Variants in IGSF23 observed in about 807,000 individuals in gnomAD.
IGSF23 encodes the protein immunoglobulin superfamily, member 23.
In IGSF23, 14 loss-of-function variants were observed where a neutral mutation model predicts 17.8. The observed-to-expected ratio is 0.79, with a 90% CI of 0.52 to 1.23. The LOEUF is 1.23. Among genes scored for constraint, IGSF23 ranks in the 50% most tolerant of loss-of-function variants. The pLI is 0.00. For synonymous variants in IGSF23, 85 were observed against 92.5 expected (o/e 0.92, Z 0.46); for missense variants, 214 against 241.7 (o/e 0.89, Z 0.76).
At chr19:44,631,656 C>T (rs1253341815) in intron 3 of IGSF23, among the ~76,000 whole-genome samples, 1 of 152,218 alleles carries the variant, frequency 6.6e-6, no homozygotes, top group Non-Finnish European at 1.5e-5. Flanking sequence ...TATTTATTAA[C>T]ATTAGCATTG....
chr19:44,625,901 A>G (rs1972636075), intron 2 of IGSF23, among the ~76,000 whole-genome samples: 1 of 152,180 alleles, frequency 6.6e-6, no homozygotes, highest in African/African-American at 2.4e-5. Flanking sequence ...TCCCCTGCAC[A>G]CATTCTCTTG....
chr19:44,620,339 TTTTGTGTGTG>T (rs1972486924), intron 1 of IGSF23, among the ~76,000 whole-genome samples: 1 of 112,670 alleles, frequency 8.9e-6, no homozygotes, highest in East Asian at 2.9e-4. Flanking sequence ...TGATGACTAA[TTTTGTGTGTG>T]TGTGTGTGTG....
At chr19:44,615,243 C>T (rs796854748) in intron 1 of IGSF23, among the ~76,000 whole-genome samples, 9 of 150,390 alleles carry the variant, frequency 6.0e-5, no homozygotes, top group African/African-American at 1.7e-4. Flanking sequence ...GAGCCAAGAT[C>T]GTGCCACTGC....
At chr19:44,616,762 A>G (rs1197454517) in intron 1 of IGSF23, among the ~76,000 whole-genome samples, 1 of 151,210 alleles carries the variant, frequency 6.6e-6, no homozygotes, top group Non-Finnish European at 1.5e-5. Flanking sequence ...AAAAAAAAAC[A>G]GTAAAAGTTT....
intron 2 of IGSF23, among the ~76,000 whole-genome samples, chr19:44,625,880 C>T (rs1972635214): frequency 6.6e-6 from 1 of 152,152 alleles, no homozygotes; most frequent in South Asian, 2.1e-4. Context: ...GATGGTTTTA[C>T]AAAAGGCAGT....
In IGSF23 at chr19:44,626,193, C is replaced by T. The variant is rs143515549; in HGVS notation, c.392-1227C>T. Among the ~76,000 whole-genome samples the T allele has an allele frequency of 1.8e-3, 267 of 152,190 alleles. 3 individuals carry two copies. Among genetic ancestry groups the T allele is most frequent in the African/African-American group, 6.0e-3 (249 of 41,524 alleles). On this transcript the variant is annotated intron_variant, in intron 2 of 4. Transcript: ENST00000402988. ...AGAGCTGGGACATGGAAATGGAATG[C>T]GTGATGGGAATCTCAGCTTGGCTGG...
At chr19:44,627,649 G>A in intron 3 of IGSF23, 76 bp downstream of exon 3, 1 of 1,449,592 alleles carries the variant, frequency 6.9e-7, no homozygotes, top group Non-Finnish European at 9.3e-7. Context: ...GGCTCAACAA[G>A]GAAACAGAGA....
chr19:44,626,142 A>G (rs1456697516), intron 2 of IGSF23, among the ~76,000 whole-genome samples: 2 of 152,170 alleles, frequency 1.3e-5, no homozygotes, highest in Non-Finnish European at 2.9e-5. Context: ...TATTTGGGGT[A>G]GGAAAGAATG....
intron 2 of IGSF23, among the ~76,000 whole-genome samples, chr19:44,624,193 T>C (rs1258036680): frequency 2.6e-5 from 4 of 151,978 alleles, no homozygotes; most frequent in Non-Finnish European, 4.4e-5. Context: ...CTTCTTTTCT[T>C]TCTTCTTCTT....
chr19:44,619,023 G>A (rs564029457), intron 1 of IGSF23, among the ~76,000 whole-genome samples: 1 of 151,878 alleles, frequency 6.6e-6, no homozygotes, highest in Middle Eastern at 3.2e-3. Context: ...TTGGCTCATG[G>A]TTCCACAGGT....
chr19:44,621,694 T>C (rs554892360), intron 1 of IGSF23, among the ~76,000 whole-genome samples: 1 of 152,302 alleles, frequency 6.6e-6, no homozygotes, highest in African/African-American at 2.4e-5. Flanking sequence ...ATAAATCCAG[T>C]GGCTTTCATG....
intron 2 of IGSF23, among the ~76,000 whole-genome samples, chr19:44,625,647 C>T (rs1354716492): frequency 4.6e-5 from 7 of 152,120 alleles, no homozygotes; most frequent in African/African-American, 1.7e-4. Context: ...GCAGCAGGTG[C>T]CTTGAATAGC....
chr19:44,616,878 G>C (rs1262385042), intron 1 of IGSF23, among the ~76,000 whole-genome samples: 1 of 151,438 alleles, frequency 6.6e-6, no homozygotes, highest in Admixed American at 6.6e-5. Context: ...TATATGTAGA[G>C]AGAGAGAGGG....
chr19:44,626,914 C>T (rs1171791968), intron 2 of IGSF23, among the ~76,000 whole-genome samples: 1 of 131,930 alleles, frequency 7.6e-6, no homozygotes, highest in Admixed American at 8.2e-5. Context: ...GAGGGAGACT[C>T]TGTCTCAAAA....
chr19:44,626,509 T>A (rs189883475), intron 2 of IGSF23, among the ~76,000 whole-genome samples: 1 of 151,748 alleles, frequency 6.6e-6, no homozygotes, highest in East Asian at 1.9e-4. Flanking sequence ...ATCACCAGAG[T>A]GGGCAGGGCT....
At chr19:44,630,925 T>A (rs1972750912) in intron 3 of IGSF23, among the ~76,000 whole-genome samples, 1 of 152,152 alleles carries the variant, frequency 6.6e-6, no homozygotes, top group Non-Finnish European at 1.5e-5. Context: ...TTGTGGAATT[T>A]GGGGGAGCCC....
chr19:44,635,374 C>CTT (rs757785573), intron 3 of IGSF23, 27 bp from the exon 4 acceptor site: 8 of 843,716 alleles, frequency 9.5e-6, no homozygotes, highest in African/African-American at 3.7e-5. Context: ...CTCTCTCTCT[C>CTT]TGTCTCTCTC....
intron 3 of IGSF23, among the ~76,000 whole-genome samples, chr19:44,627,944 T>C (rs1429151115): frequency 5.6e-5 from 7 of 125,884 alleles, no homozygotes; most frequent in South Asian, 3.0e-4. Context: ...AATTTTTCTT[T>C]TTCTTTTTTT....
Position 44,613,738 on chromosome 19 carries a change from T to C in IGSF23, c.93T>C (p.Asp31=), listed in dbSNP as rs762062069. ...CCACTGACCCGATGCTAGAGAAGGA[T>C]GCGGCTGGAGGTGACTTCCCAGCCA... ...TTTTDPMLEK[D]AAGGDFPANL... is the part of the protein sequence containing the mutation. Residue 31 remains aspartate (D), a synonymous_variant, in exon 1 of 5, where the codon GAT becomes GAC. Coordinates refer to ENST00000402988, the MANE Select transcript of IGSF23 (RefSeq NM_001205280.2). 27 of 1,550,370 alleles carry C rather than the reference T, an allele frequency of 1.7e-5. No individual in the cohort carries two copies. The highest frequency in any genetic ancestry group is 2.3e-5 in the Non-Finnish European group (26 of 1,146,976).
Sources: allele counts gnomAD v4.1 joint callset (sites outside exome capture counted in the v4.1 genomes callset), GRCh38; gene constraint gnomAD v4.1.1; transcripts MANE v1.5; gene names NCBI Gene and HGNC (gene_info 2026-07-23, HGNC 2026-07-21).